The following TRPC5 variants were observed in gnomAD, a reference collection of about 807,000 sequenced individuals.
The protein encoded by TRPC5 is short transient receptor potential channel 5.
A neutral mutation model predicts 56.5 loss-of-function variants in TRPC5; 9 were observed. That is an observed-to-expected ratio of 0.16 (90% CI 0.10 to 0.28). The LOEUF is 0.28. Among genes scored for constraint, TRPC5 ranks in the 10% least tolerant of loss-of-function variants. The pLI, the probability that TRPC5 is intolerant of heterozygous loss-of-function variation, is 1.00. For missense variants in TRPC5, 469 were observed against 748.9 expected (o/e 0.63, Z 4.36); for synonymous variants, 282 against 278.5 (o/e 1.01, Z -0.13).
chrX:111,840,308 T>C (rs1306679712), intron 6 of TRPC5, among the ~76,000 whole-genome samples: 1 of 112,500 alleles, frequency 8.9e-6, no homozygotes, highest in Non-Finnish European at 1.9e-5. Flanking sequence ...ATTACAGGCA[T>C]GAACCACCAT....
intron 1 of TRPC5, among the ~76,000 whole-genome samples, chrX:111,986,129 A>G (rs955745254): frequency 9.0e-6 from 1 of 111,532 alleles, no homozygotes; most frequent in African/African-American, 3.2e-5. Flanking sequence ...TTTCCTCTAC[A>G]TTAAACTCTA....
chrX:111,938,776 A>G (rs774427972), intron 2 of TRPC5, among the ~76,000 whole-genome samples: 1 of 112,136 alleles, frequency 8.9e-6, no homozygotes, highest in South Asian at 3.7e-4. Context: ...TTTTTGCATC[A>G]ATGTTCATCA....
chrX:111,790,602 G>A (rs1342498911), intron 7 of TRPC5, among the ~76,000 whole-genome samples: 1 of 111,199 alleles, frequency 9.0e-6, no homozygotes, highest in Non-Finnish European at 1.9e-5. Context: ...GATTTATTCC[G>A]CTAGCTTTTG....
At chrX:112,055,276 G>C (rs780877063) in intron 1 of TRPC5, among the ~76,000 whole-genome samples, 1 of 112,016 alleles carries the variant, frequency 8.9e-6, no homozygotes, top group African/African-American at 3.2e-5. Context: ...CTTCTAGAAG[G>C]TTCTACTCAT....
chrX:111,989,108 A>G (rs1279971980), intron 1 of TRPC5, among the ~76,000 whole-genome samples: 1 of 111,635 alleles, frequency 9.0e-6, no homozygotes, highest in Non-Finnish European at 1.9e-5. Flanking sequence ...TGCATATCCT[A>G]TACCCATTTT....
At chrX:111,959,542 C>A (rs969582912) in intron 1 of TRPC5, among the ~76,000 whole-genome samples, 1 of 111,321 alleles carries the variant, frequency 9.0e-6, no homozygotes, top group Non-Finnish European at 1.9e-5. Context: ...GGCAAAATGG[C>A]AGAAGCAAGT....
chrX:111,827,872 G>A (rs897636766), intron 7 of TRPC5, among the ~76,000 whole-genome samples: 3 of 110,773 alleles, frequency 2.7e-5, no homozygotes, highest in South Asian at 3.9e-4. Flanking sequence ...TCCTTCCAAC[G>A]GTCCATGAGG....
At chrX:111,976,864 T>TA (rs368460887) in intron 1 of TRPC5, among the ~76,000 whole-genome samples, 2,670 of 102,647 alleles carry the variant, frequency 0.026, 95 homozygotes, top group African/African-American at 0.086. Context: ...GAAGAAAAAT[T>TA]AAAAAAAAAA....
At chrX:111,788,149 A>G (rs1945985462) in intron 7 of TRPC5, among the ~76,000 whole-genome samples, 1 of 112,096 alleles carries the variant, frequency 8.9e-6, no homozygotes. Context: ...ATGAACATCA[A>G]TGCGAAAATC....
At chrX:111,777,076 TGGTATGTTCCA>T in intron 10 of TRPC5, 74 bp from the exon 11 acceptor site, 1 of 881,070 alleles carries the variant, frequency 1.1e-6, no homozygotes. Flanking sequence ...TAGATACCTT[TGGTATGTTCCA>T]GGTTTTTGCC....
chrX:112,056,208 T>C (rs762067761), intron 1 of TRPC5, among the ~76,000 whole-genome samples: 1 of 111,836 alleles, frequency 8.9e-6, no homozygotes, highest in South Asian at 3.7e-4. Flanking sequence ...CCTCCATCAG[T>C]GGACACTCTC....
chrX:111,919,957 T>C (rs1926083140), intron 2 of TRPC5, among the ~76,000 whole-genome samples: 2 of 112,080 alleles, frequency 1.8e-5, no homozygotes, highest in Admixed American at 1.9e-4. Flanking sequence ...ACAAACATGG[T>C]TCCTATCATT....
In TRPC5 at chrX:112,023,234, G is replaced by GTTTTT. The variant is rs749260030; in HGVS notation, c.-22+58640_-22+58644dup. Among the ~76,000 whole-genome samples the GTTTTT allele has an allele frequency of 3.0e-4, 14 of 45,950 alleles. 1 individual carries two copies. Among genetic ancestry groups the GTTTTT allele is most frequent in the African/African-American group, 1.1e-3 (14 of 12,454 alleles). 39.9% of individuals were successfully genotyped at this position (45,950 alleles called of 115,157 possible). A position where few individuals can be genotyped will look rare whatever the true frequency, so the allele number is the denominator to read the frequency against. On this transcript the variant is annotated intron_variant, in intron 1 of 10. Coordinates refer to ENST00000262839, the MANE Select transcript of TRPC5 (RefSeq NM_012471.3). ...CAGGCGTGAGCCACTGCGCCCAGCA[G>GTTTTT]TTTTTTTTTTTGTTTTTTTTTTTTT... is the stretch of plus-strand genomic sequence containing the variant.
intron 1 of TRPC5, among the ~76,000 whole-genome samples, chrX:112,043,595 C>A (rs1929950466): frequency 1.9e-5 from 2 of 105,784 alleles, no homozygotes; most frequent in African/African-American, 6.9e-5. Context: ...AGACTCTGTA[C>A]TTTCAGTGGT....
chrX:111,790,926 C>T (rs758019198), intron 7 of TRPC5, among the ~76,000 whole-genome samples: 11 of 99,552 alleles, frequency 1.1e-4, no homozygotes, highest in South Asian at 1.0e-3. Flanking sequence ...GAGGCTGAGG[C>T]GCAGAATTGC....
chrX:112,035,614 A>G (rs996957261), intron 1 of TRPC5, among the ~76,000 whole-genome samples: 3 of 109,261 alleles, frequency 2.7e-5, no homozygotes. Context: ...TCTTATGTGT[A>G]TATGTTATTT....
At chrX:112,010,918 C>G (rs971470310) in intron 1 of TRPC5, among the ~76,000 whole-genome samples, 1 of 111,548 alleles carries the variant, frequency 9.0e-6, no homozygotes, top group African/African-American at 3.3e-5. Context: ...GTATGGCAGC[C>G]AAACTTCCTG....
chrX:111,998,301 GTATGTT>G (rs2148658803), intron 1 of TRPC5, among the ~76,000 whole-genome samples: 1 of 111,810 alleles, frequency 8.9e-6, no homozygotes, highest in African/African-American at 3.2e-5. Context: ...TTATTTATAT[GTATGTT>G]TATGGGGTAC....
intron 3 of TRPC5, among the ~76,000 whole-genome samples, chrX:111,909,988 G>A (rs1030133226): frequency 9.9e-5 from 11 of 111,651 alleles, no homozygotes; most frequent in Non-Finnish European, 1.3e-4. Context: ...AGCAAGTGGA[G>A]TCAAGCCATA....
Sources: allele counts gnomAD v4.1 joint callset (sites outside exome capture counted in the v4.1 genomes callset), GRCh38; gene constraint gnomAD v4.1.1; transcripts MANE v1.5; gene names NCBI Gene and HGNC (gene_info 2026-07-23, HGNC 2026-07-21).